ENTHD1: variants seen among roughly 807,000 people sequenced by gnomAD.
ENTHD1 encodes ENTH domain containing 1, also known as ENTH domain-containing protein 1.
In ENTHD1, 23 loss-of-function variants were observed where a neutral mutation model predicts 39.1. The ratio of observed to expected loss-of-function variants is 0.59; its 90% CI spans 0.42 to 0.83. The LOEUF is 0.83. Ranked by LOEUF, ENTHD1 falls within the 40% of genes least tolerant of loss-of-function variation. ENTHD1 has a pLI of 0.00. For synonymous variants in ENTHD1, 230 were observed against 258.2 expected, an observed-to-expected ratio of 0.89 and a Z score of 1.05; for missense variants, 624 against 705.4, an observed-to-expected ratio of 0.88 and a Z score of 1.31.
At chr22:39,767,903 C>T (rs1177455040) in intron 5 of ENTHD1, among the ~76,000 whole-genome samples, 1 of 152,126 alleles carries the variant, frequency 6.6e-6, no homozygotes, top group African/African-American at 2.4e-5. Context: ...CATTTCTACC[C>T]ACCCCCTTTC....
At chr22:39,887,191 T>C (rs1601671800) in intron 2 of ENTHD1, among the ~76,000 whole-genome samples, 1 of 152,192 alleles carries the variant, frequency 6.6e-6, no homozygotes, top group Admixed American at 6.5e-5. Context: ...TATTGGCACA[T>C]GCTATAAACT....
At chr22:39,803,438 T>C (rs1262641658) in intron 5 of ENTHD1, among the ~76,000 whole-genome samples, 1 of 152,114 alleles carries the variant, frequency 6.6e-6, no homozygotes, top group Non-Finnish European at 1.5e-5. Flanking sequence ...ATTTCCTTCA[T>C]AGCACATGTT....
At chr22:39,844,060 A>G (rs956005480) in intron 3 of ENTHD1, among the ~76,000 whole-genome samples, 5 of 152,034 alleles carry the variant, frequency 3.3e-5, no homozygotes, top group African/African-American at 1.2e-4. Flanking sequence ...TGGTAGATGA[A>G]TTTTGAGATT....
chr22:39,863,906 G>T lies in ENTHD1; in HGVS notation c.350-1899C>A, dbSNP rs80314743. 7.2e-3 allele frequency among the ~76,000 whole-genome samples: 1,094 copies of T among 152,262 alleles called. 6 individuals carry two copies. Among genetic ancestry groups the T allele is most frequent in the African/African-American group, 0.025 (1,034 of 41,554 alleles). On this transcript the variant is annotated intron_variant, in intron 2 of 6. Coordinates refer to ENST00000325157, the MANE Select transcript of ENTHD1 (RefSeq NM_152512.4). ...AGTGTCAGCAACCTTTGCTCAAGTTGCCATCTTTTCCAAGATTATTTTATC... is the reference window on the plus strand; with the variant it reads ...AGTGTCAGCAACCTTTGCTCAAGTTTCCATCTTTTCCAAGATTATTTTATC...
intron 5 of ENTHD1, among the ~76,000 whole-genome samples, chr22:39,771,474 AAAAAC>A (rs554573128): frequency 1.9e-4 from 29 of 152,304 alleles, no homozygotes; most frequent in African/African-American, 5.8e-4. Context: ...AATCTGGTTA[AAAAAC>A]AAAACAAAAC....
chr22:39,744,590 G>C (rs918378696), intron 6 of ENTHD1, among the ~76,000 whole-genome samples: 16 of 152,094 alleles, frequency 1.1e-4, no homozygotes, highest in African/African-American at 3.9e-4. Context: ...CTTAATCAGA[G>C]AGAGTAGAAA....
chr22:39,875,904 T>G (rs1313406936), intron 2 of ENTHD1: 28 of 1,613,760 alleles, frequency 1.7e-5, no homozygotes, highest in Non-Finnish European at 2.2e-5. Flanking sequence ...CTAGATCGAG[T>G]AAAGAAACCT....
intron 3 of ENTHD1, among the ~76,000 whole-genome samples, chr22:39,837,971 T>C (rs1479607737): frequency 6.6e-6 from 1 of 152,212 alleles, no homozygotes; most frequent in African/African-American, 2.4e-5. Context: ...GTCTTAACAA[T>C]GAGAGTTGGC....
chr22:39,879,612 A>C (rs1362575852), intron 2 of ENTHD1, among the ~76,000 whole-genome samples: 1 of 152,144 alleles, frequency 6.6e-6, no homozygotes, highest in African/African-American at 2.4e-5. Flanking sequence ...CAAAATCCAG[A>C]ACACTGACAA....
chr22:39,883,085 G>A (rs941760912), intron 2 of ENTHD1, among the ~76,000 whole-genome samples: 6 of 151,246 alleles, frequency 4.0e-5, no homozygotes, highest in Admixed American at 2.6e-4. Flanking sequence ...TTCCCCTAAT[G>A]GAATCTTTTT....
At chr22:39,856,466 T>C (rs957127882) in intron 3 of ENTHD1, among the ~76,000 whole-genome samples, 3 of 152,128 alleles carry the variant, frequency 2.0e-5, no homozygotes, top group Non-Finnish European at 4.4e-5. Flanking sequence ...GACATCTGTA[T>C]ATCTAGGATG....
intron 5 of ENTHD1, among the ~76,000 whole-genome samples, chr22:39,799,404 T>C (rs1188444318): frequency 6.6e-6 from 1 of 152,096 alleles, no homozygotes; most frequent in Admixed American, 6.5e-5. Context: ...TGATGCAGGA[T>C]TTTTTGCTCC....
intron 5 of ENTHD1, among the ~76,000 whole-genome samples, chr22:39,796,398 G>A (rs370194342): frequency 1.8e-4 from 28 of 151,990 alleles, no homozygotes; most frequent in African/African-American, 5.8e-4. Flanking sequence ...TCAGCCTCCC[G>A]TGTAGTTGGG....
chr22:39,866,650 C>T (rs17001487), intron 2 of ENTHD1, among the ~76,000 whole-genome samples: 5 of 152,180 alleles, frequency 3.3e-5, no homozygotes, highest in Admixed American at 1.3e-4. Context: ...CACCCTCTCC[C>T]GCTGTGCCCT....
At chr22:39,877,665 A>G (rs1419243748) in intron 2 of ENTHD1, among the ~76,000 whole-genome samples, 1 of 152,204 alleles carries the variant, frequency 6.6e-6, no homozygotes, top group African/African-American at 2.4e-5. Flanking sequence ...ATACTGGAGA[A>G]AAATCCCCTG....
At position 39,766,814 on chromosome 22, in the gene ENTHD1, G is replaced by T. The variant is rs544541246; in HGVS notation, c.833-1205C>A. ...GTTAGCCTTAGCAAAAATACTGCTG[G>T]TATGTACCACAGAATTAAGACAGTT... On this transcript the variant is annotated intron_variant, in intron 5 of 6. Transcript: ENST00000325157. Among the ~76,000 whole-genome samples, 5 of 152,146 alleles carry T rather than the reference G, an allele frequency of 3.3e-5. No homozygotes were observed. In the South Asian group the frequency reaches 1.0e-3, roughly 32 times the overall value.
chr22:39,817,709 ATAAT>A (rs2065744368), intron 5 of ENTHD1, among the ~76,000 whole-genome samples: 2 of 152,012 alleles, frequency 1.3e-5, no homozygotes, highest in East Asian at 1.9e-4. Context: ...TATTTATTAA[ATAAT>A]TATGATACAA....
At chr22:39,886,749 C>G (rs968838484) in intron 2 of ENTHD1, among the ~76,000 whole-genome samples, 1 of 152,042 alleles carries the variant, frequency 6.6e-6, no homozygotes, top group Non-Finnish European at 1.5e-5. Context: ...AGGATCCTAT[C>G]CTTTCCCTAC....
At chr22:39,776,851 C>T (rs1331505469) in intron 5 of ENTHD1, among the ~76,000 whole-genome samples, 2 of 152,164 alleles carry the variant, frequency 1.3e-5, no homozygotes, top group African/African-American at 4.8e-5. Context: ...AGGAACATTC[C>T]ACCCTGCTAC....
Sources: allele counts gnomAD v4.1 joint callset (sites outside exome capture counted in the v4.1 genomes callset), GRCh38; gene constraint gnomAD v4.1.1; transcripts MANE v1.5; gene names NCBI Gene and HGNC (gene_info 2026-07-23, HGNC 2026-07-21).